PRKAR2A: variants seen among roughly 807,000 people sequenced by gnomAD.
PRKAR2A encodes cAMP-dependent protein kinase type II-alpha regulatory subunit.
In PRKAR2A, 29 loss-of-function variants were observed where a neutral mutation model predicts 51.9. The observed-to-expected ratio is 0.56, with a 90% confidence interval of 0.42 to 0.76. The LOEUF is 0.76. Among genes scored for constraint, PRKAR2A ranks in the 30% least tolerant of loss-of-function variants. PRKAR2A has a pLI of 0.00. For missense variants in PRKAR2A, 445 were observed against 512.1 expected (o/e 0.87, Z 1.26); for synonymous variants, 178 against 186.2 (o/e 0.96, Z 0.36).
rs778457354 is a variant in PRKAR2A, at chr3:48,749,034, G to A, written c.*2551C>T. ...TGGTCACACTGTCCGTGGCAAAAGC[G>A]GAAAGCCTAGCTTATGTGGATAGTT... is the stretch of plus-strand genomic sequence containing the variant. On this transcript the variant is annotated 3_prime_UTR_variant, in exon 11 of 11. Coordinates refer to ENST00000265563, the MANE Select transcript of PRKAR2A (RefSeq NM_004157.4). The A allele has an allele frequency of 6.6e-6, 1 of 152,200 alleles. No individual in the cohort carries two copies. The highest frequency in any genetic ancestry group is 6.5e-5 in the Admixed American group (1 of 15,282). 9.4% of individuals were successfully genotyped at this position (152,200 alleles called of 1,614,324 possible).
chr3:48,760,609 C>T (rs1428270089), intron 8 of PRKAR2A, among the ~76,000 whole-genome samples: 2 of 149,838 alleles, frequency 1.3e-5, no homozygotes, highest in Admixed American at 1.3e-4. Context: ...GGGCGGATCA[C>T]CTGAGGTAGG....
chr3:48,802,204 G>C (rs1181418309), intron 2 of PRKAR2A, among the ~76,000 whole-genome samples: 3 of 151,924 alleles, frequency 2.0e-5, no homozygotes, highest in African/African-American at 7.3e-5. Flanking sequence ...CACCGCACCT[G>C]GCCAAATTTT....
At chr3:48,794,493 G>A (rs533420283) in intron 2 of PRKAR2A, among the ~76,000 whole-genome samples, 6 of 151,906 alleles carry the variant, frequency 3.9e-5, no homozygotes, top group African/African-American at 1.4e-4. Flanking sequence ...TCAAGAGATC[G>A]AGACCATCCT....
At chr3:48,775,874 G>A (rs1358643706) in intron 5 of PRKAR2A, among the ~76,000 whole-genome samples, 2 of 151,960 alleles carry the variant, frequency 1.3e-5, no homozygotes, top group Admixed American at 6.6e-5. Context: ...TTGGGAGGCC[G>A]AGGTGAGTGG....
At chr3:48,780,351 C>T (rs987743992) in intron 5 of PRKAR2A, among the ~76,000 whole-genome samples, 6 of 151,990 alleles carry the variant, frequency 3.9e-5, no homozygotes, top group African/African-American at 1.4e-4. Context: ...CGCCTGTAAT[C>T]CCAGCACTTT....
chr3:48,831,365 C>CTT (rs539375236), intron 1 of PRKAR2A, among the ~76,000 whole-genome samples: 20,552 of 126,312 alleles, frequency 0.16, 2,408 homozygotes, highest in African/African-American at 0.3. Flanking sequence ...TCCAAAATAT[C>CTT]TTTTTTTTTT....
intron 1 of PRKAR2A, among the ~76,000 whole-genome samples, chr3:48,838,983 C>CAA (rs940746232): frequency 7.4e-6 from 1 of 134,918 alleles, no homozygotes; most frequent in South Asian, 2.3e-4. Flanking sequence ...GACTCCGTCT[C>CAA]AAAAAAAAAA....
intron 3 of PRKAR2A, among the ~76,000 whole-genome samples, chr3:48,792,604 G>A (rs1465583528): frequency 6.6e-6 from 1 of 150,930 alleles, no homozygotes; most frequent in Non-Finnish European, 1.5e-5. Context: ...TGGGATTACA[G>A]GCGCCTGCCA....
rs571425865 is a variant in PRKAR2A, at chr3:48,827,809, G to A, written c.262+19526C>T. On this transcript the variant is annotated intron_variant, in intron 1 of 10. Coordinates refer to ENST00000265563, the MANE Select transcript of PRKAR2A (RefSeq NM_004157.4). Reference sequence around the variant, plus strand: ...AGGCTACACAATCTATAAAAAATACGTTTTTTCTTCAATTATAACCTTAGC... The same window carrying A: ...AGGCTACACAATCTATAAAAAATACATTTTTTCTTCAATTATAACCTTAGC... Among the ~76,000 whole-genome samples, 13 of 152,120 alleles carry A rather than the reference G, an allele frequency of 8.5e-5. No individual in the cohort carries two copies. In the South Asian group the frequency reaches 1.7e-3, roughly 19 times the overall value.
chr3:48,759,930 G>C (rs926247359), intron 8 of PRKAR2A, among the ~76,000 whole-genome samples: 8 of 152,134 alleles, frequency 5.3e-5, no homozygotes, highest in Non-Finnish European at 1.5e-5. Flanking sequence ...TAATGCAATG[G>C]TACTTTAATA....
At chr3:48,805,373 G>A (rs1559631540) in intron 2 of PRKAR2A, among the ~76,000 whole-genome samples, 1 of 152,234 alleles carries the variant, frequency 6.6e-6, no homozygotes, top group African/African-American at 2.4e-5. Context: ...GGCAAGCCAA[G>A]CTTCAGCTAC....
chr3:48,807,523 G>A (rs570598977), intron 2 of PRKAR2A, 126 bp downstream of exon 2: 5 of 736,400 alleles, frequency 6.8e-6, no homozygotes, highest in Admixed American at 2.6e-5. Context: ...GAAACCATAG[G>A]TAATTTTACT....
chr3:48,823,735 A>G (rs899444070), intron 1 of PRKAR2A, among the ~76,000 whole-genome samples: 4 of 148,684 alleles, frequency 2.7e-5, no homozygotes, highest in Non-Finnish European at 4.5e-5. Flanking sequence ...GCTGCAAGCC[A>G]TGATCACACC....
At chr3:48,832,016 G>A (rs959721377) in intron 1 of PRKAR2A, among the ~76,000 whole-genome samples, 8 of 152,118 alleles carry the variant, frequency 5.3e-5, no homozygotes, top group African/African-American at 9.7e-5. Context: ...AAATTAGGCC[G>A]GGTGGGGCGG....
intron 8 of PRKAR2A, among the ~76,000 whole-genome samples, chr3:48,761,078 C>T (rs2081856887): frequency 6.6e-6 from 1 of 151,978 alleles, no homozygotes; most frequent in African/African-American, 2.4e-5. Flanking sequence ...GGTCAGGAGA[C>T]TGAGACCATG....
chr3:48,847,408 CG>C lies in PRKAR2A; in HGVS notation c.188del (p.Pro63ArgfsTer56), dbSNP rs767970026. 3.1e-6 allele frequency: 5 copies of C among 1,603,470 alleles called. No homozygotes were observed. Among genetic ancestry groups the C allele is most frequent in the Non-Finnish European group, 3.4e-6 (4 of 1,175,200 alleles). ...CGACACGGTCCGGGCCGGGTTCTGG[CG>C]GGGGGTGGCCCAGGCTCTGGCGTGG... is the stretch of plus-strand genomic sequence containing the variant. ...ATPRQSLGHP[P>X]PEPGPDRVAD... On this transcript the variant is annotated frameshift_variant, in exon 1 of 11. Transcript: ENST00000265563. LOFTEE classifies it high-confidence loss of function. The surrounding 1 kb of genome is among the most constrained non-coding windows in gnomAD (Gnocchi z 4.4).
intron 1 of PRKAR2A, among the ~76,000 whole-genome samples, chr3:48,811,277 G>C (rs927905692): frequency 1.3e-5 from 2 of 151,974 alleles, no homozygotes. Context: ...CACCAGCCTG[G>C]GCAATATAAT....
chr3:48,811,233 A>C (rs1308170657), intron 1 of PRKAR2A, among the ~76,000 whole-genome samples: 2 of 151,140 alleles, frequency 1.3e-5, no homozygotes. Context: ...CATGTCTGTA[A>C]TCCCAGTGCT....
chr3:48,779,771 C>T (rs1474904766), intron 5 of PRKAR2A, among the ~76,000 whole-genome samples: 1 of 139,358 alleles, frequency 7.2e-6, no homozygotes, highest in Non-Finnish European at 1.5e-5. Context: ...CAGAGCAAGA[C>T]TCCGTCTCAA....
Sources: allele counts gnomAD v4.1 joint callset (sites outside exome capture counted in the v4.1 genomes callset), GRCh38; gene constraint gnomAD v4.1.1; non-coding constraint Gnocchi (gnomAD v3.1); transcripts MANE v1.5; gene names NCBI Gene and HGNC (gene_info 2026-07-23, HGNC 2026-07-21).